Variants in COL4A6 observed in about 807,000 individuals in gnomAD.
COL4A6 encodes the protein collagen alpha-6(IV) chain.
In COL4A6, 59 loss-of-function variants were observed where a neutral mutation model predicts 126.7. The ratio of observed to expected loss-of-function variants is 0.47; its 90% CI spans 0.38 to 0.58. COL4A6 has a LOEUF of 0.58. COL4A6 is among the 20% of genes least tolerant of loss of function. The pLI, the probability that COL4A6 is intolerant of heterozygous loss-of-function variation, is 0.00. For synonymous variants in COL4A6, 547 were observed against 496.6 expected, an observed-to-expected ratio of 1.10 and a Z score of -1.35; for missense variants, 1,285 against 1,337.3, an observed-to-expected ratio of 0.96 and a Z score of 0.61.
intron 2 of COL4A6, among the ~76,000 whole-genome samples, chrX:108,406,112 C>A (rs1279027165): frequency 9.0e-6 from 1 of 111,167 alleles, no homozygotes; most frequent in Non-Finnish European, 1.9e-5. Flanking sequence ...GTACTACAGG[C>A]ACATGCCACA....
chrX:108,214,976 C>T (rs1372373070), intron 5 of COL4A6, among the ~76,000 whole-genome samples: 2 of 111,299 alleles, frequency 1.8e-5, no homozygotes, highest in Non-Finnish European at 3.8e-5. Flanking sequence ...GATAATATAC[C>T]TTTTTTAATT....
intron 3 of COL4A6, among the ~76,000 whole-genome samples, chrX:108,307,649 A>G (rs150970354): frequency 0.03 from 3,360 of 112,122 alleles, 121 homozygotes; most frequent in African/African-American, 0.1. Context: ...AGCACATCTC[A>G]GGGTGACCCA....
At chrX:108,312,939 A>C (rs1569420960) in intron 2 of COL4A6, among the ~76,000 whole-genome samples, 1 of 111,659 alleles carries the variant, frequency 9.0e-6, no homozygotes, top group Non-Finnish European at 1.9e-5. Flanking sequence ...GAAAAAAAAA[A>C]CAATAGCAGG....
chrX:108,418,441 G>A (rs1039130667), intron 2 of COL4A6, among the ~76,000 whole-genome samples: 1 of 111,584 alleles, frequency 9.0e-6, no homozygotes, highest in African/African-American at 3.3e-5. Flanking sequence ...AACTGTTGAA[G>A]CTCAGTGATA....
At chrX:108,241,594 T>C (rs1173297057) in intron 3 of COL4A6, among the ~76,000 whole-genome samples, 10 of 104,981 alleles carry the variant, frequency 9.5e-5, no homozygotes, top group Non-Finnish European at 1.9e-4. Flanking sequence ...AAAAGTGTTC[T>C]GACTGAGCTG....
At chrX:108,187,412 G>T in intron 22 of COL4A6, 133 bp from the exon 23 acceptor site, 1 of 505,617 alleles carries the variant, frequency 2.0e-6, no homozygotes, top group Non-Finnish European at 3.0e-6. Flanking sequence ...CATCACCATA[G>T]TTTATCTATC....
intron 9 of COL4A6, among the ~76,000 whole-genome samples, chrX:108,206,229 T>A (rs768799073): frequency 9.0e-6 from 1 of 111,291 alleles, no homozygotes; most frequent in South Asian, 3.8e-4. Context: ...GGTGAGGAAA[T>A]GGAAGGTGGC....
At chrX:108,301,594 G>T (rs1456724935) in intron 3 of COL4A6, among the ~76,000 whole-genome samples, 3 of 111,544 alleles carry the variant, frequency 2.7e-5, no homozygotes, top group Admixed American at 9.5e-5. Flanking sequence ...GAGGCCATTT[G>T]ACATGGTGGA....
chrX:108,161,222 G>A (rs1055371091), intron 42 of COL4A6, among the ~76,000 whole-genome samples: 1 of 111,455 alleles, frequency 9.0e-6, no homozygotes, highest in Non-Finnish European at 1.9e-5. Flanking sequence ...AAATAGAAGA[G>A]GTATATGGAC....
chrX:108,169,523 C>A lies in COL4A6; in HGVS notation c.3663G>T (p.Pro1221=), dbSNP rs767922218. 1.7e-6 allele frequency: 2 copies of A among 1,211,782 alleles called. No homozygotes were observed. The highest frequency in any genetic ancestry group is 3.0e-5 in the East Asian group (1 of 33,817). ...GATCACCTTTTTGCCCTCTCAGGCCCGGCTTCCCTGGAGCTCCGATGCCAA... is the reference window on the plus strand; with the variant it reads ...GATCACCTTTTTGCCCTCTCAGGCCAGGCTTCCCTGGAGCTCCGATGCCAA... ...PGIGIGAPGK[P]GLRGQKGDRG... Residue 1221 remains proline, a synonymous_variant, in exon 37 of 45, where the codon CCG becomes CCT. Transcript: ENST00000334504.
At chrX:108,237,286 C>T (rs1252913930) in intron 3 of COL4A6, among the ~76,000 whole-genome samples, 1 of 111,453 alleles carries the variant, frequency 9.0e-6, no homozygotes, top group East Asian at 2.8e-4. Flanking sequence ...ATATTACTTT[C>T]AAAATAAAAT....
At chrX:108,305,954 A>G (rs1360807144) in intron 3 of COL4A6, among the ~76,000 whole-genome samples, 1 of 112,373 alleles carries the variant, frequency 8.9e-6, no homozygotes, top group Admixed American at 9.4e-5. Flanking sequence ...CTAAGAAGAA[A>G]GATCTGAACT....
rs770541717 is a variant in COL4A6 at position 108,188,806 on chromosome X, C to G, written c.1427-129G>C. The G allele has an allele frequency of 6.1e-6, 4 of 658,675 alleles. No homozygotes were observed. In the African/African-American group the frequency reaches 9.2e-5, roughly 15 times the overall value. The allele number at this position is 658,675 out of a possible 1,213,427, so 54.3% of individuals were successfully genotyped here. A position where few individuals can be genotyped will look rare whatever the true frequency, so the allele number is the denominator to read the frequency against. On this transcript the variant is annotated intron_variant, in intron 20 of 44. Coordinates refer to ENST00000334504, the MANE Select transcript of COL4A6 (RefSeq NM_033641.4). ...TCTGAAGGCTTGCAGAGAACACACT[C>G]AAATGAACTTGGTTCACTCTCCAGC...
At chrX:108,434,837 A>T (rs2064237004) in intron 2 of COL4A6, among the ~76,000 whole-genome samples, 1 of 109,371 alleles carries the variant, frequency 9.1e-6, no homozygotes, top group African/African-American at 3.3e-5. Flanking sequence ...GTGATTTTTC[A>T]TAGCTAGCTG....
At chrX:108,433,828 T>C (rs1223441986) in intron 2 of COL4A6, among the ~76,000 whole-genome samples, 1 of 111,950 alleles carries the variant, frequency 8.9e-6, no homozygotes. Flanking sequence ...CCAGCCATAC[T>C]TTTAAGATTA....
At position 108,188,653 on chromosome X, in the gene COL4A6, T is replaced by C. The variant is rs1002495110; in HGVS notation, c.1451A>G (p.Asp484Gly). 1.3e-5 allele frequency: 15 copies of C among 1,163,228 alleles called. No homozygotes were observed. The highest frequency in any genetic ancestry group is 5.3e-5 in the Admixed American group (2 of 37,881). Residue 484 changes from aspartate (D) to glycine (G), a missense_variant, in exon 21 of 45, where the codon GAC becomes GGC. Coordinates refer to ENST00000334504, the MANE Select transcript of COL4A6 (RefSeq NM_033641.4). The part of the protein sequence containing the change: ...IKGDSGFCAC[D>G]GGVPNTGPPG... ...TGGTCCAGTGTTGGGAACACCACCG[T>C]CACAAGCACAGAAACCTGAGTCTCC...
chrX:108,166,940 TAAAC>T (rs2034147737), intron 37 of COL4A6, among the ~76,000 whole-genome samples: 1 of 111,910 alleles, frequency 8.9e-6, no homozygotes, highest in Non-Finnish European at 1.9e-5. Flanking sequence ...GCAAAACTAA[TAAAC>T]AAGACACCAC....
At chrX:108,334,288 T>C (rs1016068297) in intron 2 of COL4A6, among the ~76,000 whole-genome samples, 1 of 111,775 alleles carries the variant, frequency 8.9e-6, no homozygotes. Context: ...ACAGTGGTTA[T>C]AAACTAGAAC....
chrX:108,317,870 C>T (rs1485358237), intron 2 of COL4A6, among the ~76,000 whole-genome samples: 2 of 111,694 alleles, frequency 1.8e-5, no homozygotes, highest in African/African-American at 6.5e-5. Context: ...GTGATGCCTC[C>T]AGCTTTGTTC....
Sources: gnomAD v4.1 joint callset for allele counts (sites outside exome capture counted in the v4.1 genomes callset) on GRCh38, gnomAD v4.1.1 for gene constraint, MANE v1.5 for transcripts, NCBI Gene and HGNC (gene_info 2026-07-23, HGNC 2026-07-21) for gene names.